The following FAM13B variants were observed in gnomAD, a reference collection of about 807,000 sequenced individuals.
FAM13B encodes the protein protein FAM13B.
Under a neutral mutation model 117.3 loss-of-function variants are expected in FAM13B, and 60 were observed. That is an observed-to-expected ratio of 0.51 (90% CI 0.42 to 0.63). The LOEUF (loss-of-function observed/expected upper bound fraction) is 0.63, where lower values mean the gene tolerates loss of function less well. Among genes scored for constraint, FAM13B ranks in the 30% least tolerant of loss-of-function variants. The pLI is 0.00. For missense variants in FAM13B, 972 were observed against 1,091.9 expected (o/e 0.89, Z 1.55); for synonymous variants, 332 against 356.1 (o/e 0.93, Z 0.76).
At chr5:138,020,057 T>C (rs1309225954) in intron 2 of FAM13B, 3 of 921,290 alleles carry the variant, frequency 3.3e-6, no homozygotes, top group Non-Finnish European at 3.9e-6. Context: ...TTATCAACAC[T>C]GTTATTTCTT....
chr5:137,966,484 T>TAGAGAG (rs1203408763), intron 10 of FAM13B, among the ~76,000 whole-genome samples: 286 of 50,492 alleles, frequency 5.7e-3, no homozygotes, highest in East Asian at 6.7e-3. Context: ...TATATATATA[T>TAGAGAG]ATATAGAGAG....
chr5:137,945,384 A>G (rs1763154706), intron 20 of FAM13B, among the ~76,000 whole-genome samples: 1 of 152,254 alleles, frequency 6.6e-6, no homozygotes, highest in South Asian at 2.1e-4. Flanking sequence ...GCACACAAAT[A>G]CCAATAAGCA....
In FAM13B at chr5:137,952,707, G is replaced by C. The variant is rs554979694; in HGVS notation, c.1851C>G (p.Pro617=). ...GATTGGCAGCAATATCACTGTAGGA[G>C]GGCTGAAAAATTATGGAGCAGAATC... ...EQFERERNSK[P]SYSDIAANPK... The change falls in exon 17 of 24, where the codon CCC becomes CCG. Residue 617 remains proline, a splice_region_variant and synonymous_variant. Coordinates refer to ENST00000689681, the MANE Select transcript of FAM13B (RefSeq NM_001385994.1). 1 of 1,595,052 alleles carries C rather than the reference G, an allele frequency of 6.3e-7. No individual in the cohort carries two copies. Among genetic ancestry groups the C allele is most frequent in the South Asian group, 1.1e-5 (1 of 87,382 alleles).
At chr5:137,965,571 A>T (rs73299239) in intron 10 of FAM13B, among the ~76,000 whole-genome samples, 2,087 of 152,296 alleles carry the variant, frequency 0.014, 63 homozygotes, top group African/African-American at 0.048. Context: ...AGTTACTTCT[A>T]TTAAATAGGC....
At chr5:138,012,319 G>T (rs538073520) in intron 4 of FAM13B, among the ~76,000 whole-genome samples, 1 of 151,098 alleles carries the variant, frequency 6.6e-6, no homozygotes, top group Non-Finnish European at 1.5e-5. Context: ...AAATGCACTG[G>T]CCATGCCAGA....
Position 137,946,231 on chromosome 5 carries a change from C to A in FAM13B, c.2241G>T (p.Arg747Ser). Residue 747 changes from arginine to serine, a missense_variant, in exon 19 of 24, where the codon AGG becomes AGT. Arg to Ser is a moderately radical substitution (Grantham distance 110). Transcript: ENST00000689681. The part of the protein sequence containing the change: ...SLLYYESQHG[R>S]PVTKEERHIV... The stretch of plus-strand genomic sequence containing the variant: ...TTTTTAGCAAGAGAGATATTACCGG[C>A]CTTCCATGTTGACTTTCATAGTAAA... 6.3e-7 allele frequency: 1 copy of A among 1,583,636 alleles called. No homozygotes were observed. Among genetic ancestry groups the A allele is most frequent in the Non-Finnish European group, 8.6e-7 (1 of 1,168,904 alleles).
chr5:137,956,878 T>C (rs141303480), intron 13 of FAM13B, among the ~76,000 whole-genome samples: 2,294 of 152,266 alleles, frequency 0.015, 27 homozygotes, highest in Non-Finnish European at 0.025. Flanking sequence ...TAAAGGAAAA[T>C]ATCTCCCTTA....
intron 1 of FAM13B, among the ~76,000 whole-genome samples, chr5:138,030,912 A>G (rs1789778187): frequency 6.6e-6 from 1 of 152,072 alleles, no homozygotes. Flanking sequence ...AAGCACCGGT[A>G]GTCCTAGCTA....
At chr5:138,023,291 G>A (rs1293061281) in intron 1 of FAM13B, among the ~76,000 whole-genome samples, 1 of 152,162 alleles carries the variant, frequency 6.6e-6, no homozygotes, top group Non-Finnish European at 1.5e-5. Flanking sequence ...TCTTTCTCCT[G>A]AGGATGTTGA....
intron 17 of FAM13B, among the ~76,000 whole-genome samples, chr5:137,951,209 C>CAAAA (rs1158310740): frequency 0.021 from 1,309 of 61,566 alleles, 3 homozygotes; most frequent in East Asian, 0.03. Flanking sequence ...CTGTCTCAAA[C>CAAAA]AAAAAAAAAA....
intron 20 of FAM13B, among the ~76,000 whole-genome samples, chr5:137,944,263 A>G (rs1332342323): frequency 6.6e-6 from 1 of 152,138 alleles, no homozygotes; most frequent in East Asian, 1.9e-4. Context: ...TTACTCATTC[A>G]TCTGCTGACA....
intron 10 of FAM13B, among the ~76,000 whole-genome samples, chr5:137,971,374 C>A (rs1480069239): frequency 1.3e-5 from 2 of 151,806 alleles, no homozygotes; most frequent in Admixed American, 6.6e-5. Flanking sequence ...GGGTACATAA[C>A]AAAATGAAGG....
At chr5:137,992,576 G>A (rs553842479) in intron 7 of FAM13B, among the ~76,000 whole-genome samples, 2 of 151,978 alleles carry the variant, frequency 1.3e-5, no homozygotes, top group African/African-American at 2.4e-5. Context: ...CCTGGGCAAC[G>A]AGAGCGAAAT....
chr5:137,983,143 C>T (rs1289427143), intron 10 of FAM13B, among the ~76,000 whole-genome samples: 1 of 115,506 alleles, frequency 8.7e-6, no homozygotes, highest in African/African-American at 3.4e-5. Flanking sequence ...GAGCAATCAG[C>T]AGAGGGGAAT....
chr5:137,956,916 A>G (rs1334605021), intron 13 of FAM13B, among the ~76,000 whole-genome samples: 1 of 152,238 alleles, frequency 6.6e-6, no homozygotes, highest in Admixed American at 6.5e-5. Context: ...ATCCTACTGC[A>G]TTTCATTCCA....
chr5:137,985,513 C>T, intron 9 of FAM13B, 124 bp from the exon 10 acceptor site: 1 of 851,980 alleles, frequency 1.2e-6, no homozygotes. Context: ...GTGTACCTTT[C>T]ACAAAAATCC....
At chr5:137,972,697 A>C (rs1023859554) in intron 10 of FAM13B, among the ~76,000 whole-genome samples, 1 of 151,828 alleles carries the variant, frequency 6.6e-6, no homozygotes, top group South Asian at 2.1e-4. Context: ...ACATGATTGT[A>C]TATCTAGAAA....
At chr5:138,021,244 C>T in intron 1 of FAM13B, 47 bp from the exon 2 acceptor site, 1 of 1,199,898 alleles carries the variant, frequency 8.3e-7, no homozygotes, top group Middle Eastern at 3.2e-4. Context: ...CTTTAACTGT[C>T]AGAAGAGACT....
intron 1 of FAM13B, among the ~76,000 whole-genome samples, chr5:138,040,336 G>A (rs1253004911): frequency 2.7e-5 from 4 of 150,008 alleles, no homozygotes; most frequent in Non-Finnish European, 4.4e-5. Context: ...TTGGGAGGCC[G>A]AGGCGGGCCG....
Sources: gnomAD v4.1 joint callset for allele counts (sites outside exome capture counted in the v4.1 genomes callset) on GRCh38, gnomAD v4.1.1 for gene constraint, MANE v1.5 for transcripts, NCBI Gene and HGNC (gene_info 2026-07-23, HGNC 2026-07-21) for gene names.